The following GRM8 variants were observed in gnomAD, a reference collection of about 807,000 sequenced individuals.
The protein encoded by GRM8 is glutamate metabotropic receptor 8.
GRM8 carries 47 observed loss-of-function variants against 87.2 expected under a neutral mutation model. The ratio of observed to expected loss-of-function variants is 0.54; its 90% CI spans 0.43 to 0.69. The LOEUF is 0.69. Ranked by LOEUF, GRM8 falls within the 30% of genes least tolerant of loss-of-function variation. GRM8 has a pLI of 0.00. For missense variants in GRM8, 1,019 were observed against 1,139.2 expected (o/e 0.89, Z 1.52); for synonymous variants, 396 against 404.5 (o/e 0.98, Z 0.25).
intron 9 of GRM8, among the ~76,000 whole-genome samples, chr7:126,520,885 TTTA>T (rs1812887144): frequency 6.6e-6 from 1 of 152,160 alleles, no homozygotes; most frequent in African/African-American, 2.4e-5. Flanking sequence ...TTTCGTGCTT[TTTA>T]TTGTCAGTTC....
At chr7:126,741,240 G>C (rs1264273157) in intron 7 of GRM8, among the ~76,000 whole-genome samples, 2 of 151,960 alleles carry the variant, frequency 1.3e-5, no homozygotes, top group South Asian at 2.1e-4. Context: ...GCGTACGTGT[G>C]TGTGTGTGTG....
At chr7:126,859,668 A>G (rs1318207690) in intron 6 of GRM8, among the ~76,000 whole-genome samples, 2 of 152,212 alleles carry the variant, frequency 1.3e-5, no homozygotes, top group Non-Finnish European at 2.9e-5. Flanking sequence ...AATGAAATGC[A>G]TATACGTAAA....
intron 8 of GRM8, among the ~76,000 whole-genome samples, chr7:126,597,361 T>C (rs1373621976): frequency 2.6e-5 from 4 of 152,146 alleles, no homozygotes; most frequent in Non-Finnish European, 4.4e-5. Flanking sequence ...CAGTTCTTAG[T>C]TGTAATTATC....
At chr7:126,519,711 A>G (rs1286521329) in intron 9 of GRM8, among the ~76,000 whole-genome samples, 1 of 152,158 alleles carries the variant, frequency 6.6e-6, no homozygotes, top group Non-Finnish European at 1.5e-5. Context: ...GTGACAAAGA[A>G]GAAGTGTTGT....
At chr7:126,773,310 G>A (rs751309425) in intron 6 of GRM8, among the ~76,000 whole-genome samples, 2 of 152,222 alleles carry the variant, frequency 1.3e-5, no homozygotes, top group South Asian at 4.1e-4. Context: ...CATTACTGCA[G>A]GGTGGTGAAG....
chr7:126,477,581 G>GAGAA (rs36192147), intron 9 of GRM8, among the ~76,000 whole-genome samples: 5,101 of 78,724 alleles, frequency 0.065, 140 homozygotes, highest in Non-Finnish European at 0.077. Flanking sequence ...GAAAGAAAGA[G>GAGAA]AGAAAGAAAG....
intron 6 of GRM8, among the ~76,000 whole-genome samples, chr7:126,848,217 A>C (rs938221704): frequency 6.6e-6 from 1 of 152,176 alleles, no homozygotes; most frequent in Admixed American, 6.6e-5. Flanking sequence ...GAAAATTTTC[A>C]GTTGTTCTTG....
intron 9 of GRM8, chr7:126,511,922 G>A (rs933318941): frequency 6.6e-6 from 1 of 152,060 alleles, no homozygotes; most frequent in Non-Finnish European, 1.5e-5. Flanking sequence ...CTAAAGGAAA[G>A]TTGAACACAT....
At chr7:126,522,979 A>C (rs984600675) in intron 9 of GRM8, among the ~76,000 whole-genome samples, 4 of 152,246 alleles carry the variant, frequency 2.6e-5, no homozygotes, top group Non-Finnish European at 5.9e-5. Flanking sequence ...GCAAACATTT[A>C]ATAAATACTT....
At chr7:127,228,406 G>C (rs369267827) in intron 2 of GRM8, 2 of 152,182 alleles carry the variant, frequency 1.3e-5, no homozygotes, top group Non-Finnish European at 2.9e-5. Flanking sequence ...AGAACTGAAG[G>C]CTCAGGAAGA....
chr7:127,110,044 C>A (rs1826205308), intron 2 of GRM8, among the ~76,000 whole-genome samples: 1 of 152,156 alleles, frequency 6.6e-6, no homozygotes, highest in African/African-American at 2.4e-5. Flanking sequence ...CCCACAGTTT[C>A]TTTTTCCACT....
At chr7:127,094,223 T>C (rs1426167888) in intron 3 of GRM8, among the ~76,000 whole-genome samples, 1 of 152,162 alleles carries the variant, frequency 6.6e-6, no homozygotes, top group Non-Finnish European at 1.5e-5. Context: ...CCAAACACAA[T>C]GGCTTTAACA....
intron 7 of GRM8, among the ~76,000 whole-genome samples, chr7:126,737,446 T>G (rs1814363243): frequency 6.6e-6 from 1 of 151,960 alleles, no homozygotes; most frequent in African/African-American, 2.4e-5. Flanking sequence ...AGAGACTGAT[T>G]TGGGTGGTAA....
rs192693252 is a variant in GRM8 at position 126,468,095 on chromosome 7, T to A, written c.2431-21723A>T. On this transcript the variant is annotated intron_variant, in intron 9 of 10. Transcript: ENST00000339582. ...AGATAATGCATATGAAATTGCCTCA[T>A]AAACCATGAAGCCCATAAAGCACTG... Among the ~76,000 whole-genome samples the A allele has an allele frequency of 1.8e-4, 27 of 152,196 alleles. No individual in the cohort carries two copies. In the East Asian group the frequency reaches 5.2e-3, roughly 29 times the overall value.
intron 8 of GRM8, among the ~76,000 whole-genome samples, chr7:126,606,347 T>C (rs1056581047): frequency 1.3e-5 from 2 of 152,236 alleles, no homozygotes; most frequent in African/African-American, 4.8e-5. Flanking sequence ...GTAACATTTA[T>C]AGATCTCAGG....
At chr7:127,016,153 G>A (rs1391875536) in intron 3 of GRM8, among the ~76,000 whole-genome samples, 1 of 152,014 alleles carries the variant, frequency 6.6e-6, no homozygotes, top group Non-Finnish European at 1.5e-5. Flanking sequence ...GAAAACACAT[G>A]AAAATGTCCA....
chr7:126,565,444 T>TA (rs981623517), intron 8 of GRM8, among the ~76,000 whole-genome samples: 1 of 152,162 alleles, frequency 6.6e-6, no homozygotes, highest in Non-Finnish European at 1.5e-5. Flanking sequence ...CAGTCTCACT[T>TA]ACAATAGCAT....
At chr7:126,934,545 A>C (rs1806089693) in intron 3 of GRM8, among the ~76,000 whole-genome samples, 1 of 152,244 alleles carries the variant, frequency 6.6e-6, no homozygotes, top group African/African-American at 2.4e-5. Context: ...CTTAAGGGTC[A>C]GAGACAGAAA....
At chr7:127,038,271 T>C (rs1818032711) in intron 3 of GRM8, among the ~76,000 whole-genome samples, 1 of 152,158 alleles carries the variant, frequency 6.6e-6, no homozygotes, top group Admixed American at 6.5e-5. Context: ...TTTGTACACA[T>C]ACCTGAAGCC....
Sources: gnomAD v4.1 joint callset for allele counts (sites outside exome capture counted in the v4.1 genomes callset) on GRCh38, gnomAD v4.1.1 for gene constraint, MANE v1.5 for transcripts, NCBI Gene and HGNC (gene_info 2026-07-23, HGNC 2026-07-21) for gene names.